ALDH1A2: variants seen among roughly 807,000 people sequenced by gnomAD.
ALDH1A2 encodes the protein aldehyde dehydrogenase 1 family member A2.
In ALDH1A2, 27 loss-of-function variants were observed where a neutral mutation model predicts 60.3. The ratio of observed to expected loss-of-function variants is 0.45; its 90% confidence interval spans 0.33 to 0.62. The LOEUF (loss-of-function observed/expected upper bound fraction) is 0.62. Among genes scored for constraint, ALDH1A2 ranks in the 20% least tolerant of loss-of-function variants. The pLI is 0.02. For missense variants in ALDH1A2, 581 were observed against 643.8 expected (o/e 0.90, Z 1.06); for synonymous variants, 289 against 232.4 (o/e 1.24, Z -2.21).
chr15:58,021,284 A>G (rs1363874429), intron 1 of ALDH1A2, among the ~76,000 whole-genome samples: 2 of 152,214 alleles, frequency 1.3e-5, no homozygotes, highest in African/African-American at 4.8e-5. Context: ...GAAAAACCAG[A>G]ACAGTATATA....
At position 58,014,188 on chromosome 15, in the gene ALDH1A2, C is replaced by G; in HGVS notation, c.211G>C (p.Glu71Gln). Reference protein sequence around the residue: ...ATGEQVCEVQEADKADIDKAV... With the variant: ...ATGEQVCEVQQADKADIDKAV... ...TACAAAAGACATACCTTGTCTGCTT[C>G]TTGAACTTCACACACCTGTTCTCCT... Residue 71 changes from glutamate to glutamine, a missense_variant, in exon 2 of 13, where the codon GAA (glutamate) becomes CAA (glutamine). Glu to Gln is a conservative substitution (Grantham distance 29). Coordinates refer to ENST00000249750, the MANE Select transcript of ALDH1A2 (RefSeq NM_003888.4). 1.2e-6 allele frequency: 2 copies of G among 1,614,144 alleles called. No homozygotes were observed. Among genetic ancestry groups the G allele is most frequent in the Non-Finnish European group, 1.7e-6 (2 of 1,179,992 alleles).
intron 1 of ALDH1A2, chr15:58,057,934 T>A (rs1896937205): frequency 2.5e-6 from 2 of 792,734 alleles, no homozygotes; most frequent in Non-Finnish European, 3.4e-6. Context: ...TAATAAAAAT[T>A]AAAATTAAAT....
chr15:57,965,160 G>C (rs1169038603), intron 8 of ALDH1A2, among the ~76,000 whole-genome samples: 1 of 152,150 alleles, frequency 6.6e-6, no homozygotes, highest in Non-Finnish European at 1.5e-5. Flanking sequence ...CTAAGCCTCT[G>C]TAAGGTCCTA....
At chr15:58,025,748 A>C (rs1245013183) in intron 1 of ALDH1A2, among the ~76,000 whole-genome samples, 1 of 152,260 alleles carries the variant, frequency 6.6e-6, no homozygotes, top group Non-Finnish European at 1.5e-5. Flanking sequence ...GGGTGCCAGC[A>C]TCTGCTCTTA....
intron 1 of ALDH1A2, among the ~76,000 whole-genome samples, chr15:58,053,183 A>G (rs770697224): frequency 3.9e-4 from 60 of 152,170 alleles, no homozygotes; most frequent in Non-Finnish European, 6.9e-4. Flanking sequence ...AGTACTTAAC[A>G]GTAATAATAA....
At chr15:58,009,514 G>A (rs114983794) in intron 4 of ALDH1A2, among the ~76,000 whole-genome samples, 303 of 151,446 alleles carry the variant, frequency 2.0e-3, no homozygotes, top group African/African-American at 7.1e-3. Flanking sequence ...CTGCTACTAT[G>A]CACTCTCCAT....
intron 1 of ALDH1A2, among the ~76,000 whole-genome samples, chr15:58,054,643 T>C (rs1299929116): frequency 6.6e-6 from 1 of 152,106 alleles, no homozygotes; most frequent in Non-Finnish European, 1.5e-5. Context: ...GATGGCCCAC[T>C]GGGGCACAGA....
rs773369602 is a variant in ALDH1A2, at chr15:57,965,833, A to G, written c.799-6T>C. On this transcript the variant is annotated splice_polypyrimidine_tract_variant and splice_region_variant and intron_variant, in intron 7 of 12. Transcript: ENST00000249750. The stretch of plus-strand genomic sequence containing the variant: ...TCTTGGATAAGCTTTCCAACCTGAA[A>G]GAAGGGAAATGGAGACAGGTTTTGC... The G allele has an allele frequency of 6.2e-6, 10 of 1,612,962 alleles. No homozygotes were observed. The highest frequency in any genetic ancestry group is 7.6e-6 in the Non-Finnish European group (9 of 1,178,936).
At chr15:58,046,792 A>G (rs1461432141) in intron 1 of ALDH1A2, among the ~76,000 whole-genome samples, 1 of 152,076 alleles carries the variant, frequency 6.6e-6, no homozygotes, top group Admixed American at 6.6e-5. Context: ...ACATCTTAAC[A>G]GCACTTAAAA....
At chr15:57,969,083 G>T (rs377533113) in intron 7 of ALDH1A2, among the ~76,000 whole-genome samples, 1 of 152,196 alleles carries the variant, frequency 6.6e-6, no homozygotes, top group Non-Finnish European at 1.5e-5. Flanking sequence ...AAGAAAGAAC[G>T]GGATGTGTTA....
chr15:58,024,850 C>G (rs1896034208), intron 1 of ALDH1A2, among the ~76,000 whole-genome samples: 1 of 152,050 alleles, frequency 6.6e-6, no homozygotes, highest in Admixed American at 6.5e-5. Context: ...CCTCAGACAA[C>G]AAAGGAATAA....
At chr15:58,001,996 C>G in intron 4 of ALDH1A2, among the ~76,000 whole-genome samples, 1 of 151,814 alleles carries the variant, frequency 6.6e-6, no homozygotes, top group East Asian at 1.9e-4. Flanking sequence ...TGATCTCTGT[C>G]TCTTTTCCCT....
At chr15:58,034,721 A>G (rs1896331976) in intron 1 of ALDH1A2, among the ~76,000 whole-genome samples, 1 of 151,694 alleles carries the variant, frequency 6.6e-6, no homozygotes, top group Admixed American at 6.6e-5. Context: ...GCATGTACAG[A>G]CATGATCTCC....
At chr15:58,027,091 C>T (rs1335526117) in intron 1 of ALDH1A2, among the ~76,000 whole-genome samples, 1 of 152,198 alleles carries the variant, frequency 6.6e-6, no homozygotes, top group Non-Finnish European at 1.5e-5. Context: ...GTCCCTGACA[C>T]CCACTGTAGG....
chr15:58,059,849 G>C (rs8024083), intron 1 of ALDH1A2, among the ~76,000 whole-genome samples: 2,175 of 152,188 alleles, frequency 0.014, 61 homozygotes, highest in African/African-American at 0.05. Context: ...ACTCTTATGA[G>C]TAATGCACAT....
chr15:57,991,926 ATCT>A (rs767981742), intron 7 of ALDH1A2, among the ~76,000 whole-genome samples: 4 of 152,162 alleles, frequency 2.6e-5, no homozygotes. Flanking sequence ...ACATTTATAA[ATCT>A]TCTTAAGCTG....
At chr15:58,008,533 AG>A (rs1434402310) in intron 4 of ALDH1A2, among the ~76,000 whole-genome samples, 1 of 152,134 alleles carries the variant, frequency 6.6e-6, no homozygotes, top group Non-Finnish European at 1.5e-5. Flanking sequence ...TTATCTAATC[AG>A]GATCTTCCCT....
At chr15:57,987,802 G>A (rs1435378896) in intron 7 of ALDH1A2, among the ~76,000 whole-genome samples, 3 of 150,622 alleles carry the variant, frequency 2.0e-5, no homozygotes, top group Non-Finnish European at 2.9e-5. Flanking sequence ...GGAGAATGGC[G>A]CAAACCTGGG....
intron 4 of ALDH1A2, among the ~76,000 whole-genome samples, chr15:57,999,625 T>A (rs1332170385): frequency 6.6e-6 from 1 of 151,988 alleles, no homozygotes; most frequent in African/African-American, 2.4e-5. Context: ...GGAATGTAAA[T>A]TAGTTCAACC....
Sources: allele counts gnomAD v4.1 joint callset (sites outside exome capture counted in the v4.1 genomes callset), GRCh38; gene constraint gnomAD v4.1.1; transcripts MANE v1.5; gene names NCBI Gene and HGNC (gene_info 2026-07-23, HGNC 2026-07-21).